Variants in CSMD1 observed in about 807,000 individuals in gnomAD.
CSMD1 encodes CUB and sushi domain-containing protein 1.
Under a neutral mutation model 417.5 loss-of-function variants are expected in CSMD1, and 213 were observed. The ratio of observed to expected loss-of-function variants is 0.51; its 90% CI spans 0.46 to 0.57. The LOEUF (loss-of-function observed/expected upper bound fraction) is 0.57. CSMD1 is among the 20% of genes least tolerant of loss of function. The pLI is 0.00. For synonymous variants in CSMD1, 2,862 were observed against 1,736.8 expected (o/e 1.65, Z -16.11); for missense variants, 6,923 against 4,529.7 (o/e 1.53, Z -15.17).
At chr8:3,230,871 C>G (rs1186385466) in intron 26 of CSMD1, among the ~76,000 whole-genome samples, 4 of 152,150 alleles carry the variant, frequency 2.6e-5, no homozygotes, top group African/African-American at 7.2e-5. Flanking sequence ...TCCTGCCTTT[C>G]TGCATATATA....
chr8:4,029,546 A>G (rs572272012), intron 4 of CSMD1, among the ~76,000 whole-genome samples: 6 of 152,254 alleles, frequency 3.9e-5, no homozygotes, highest in East Asian at 1.9e-4. Context: ...AACTGCCTCC[A>G]TGGTTCAATT....
At chr8:4,223,700 A>G (rs1240578367) in intron 3 of CSMD1, among the ~76,000 whole-genome samples, 4 of 152,230 alleles carry the variant, frequency 2.6e-5, no homozygotes, top group African/African-American at 7.2e-5. Context: ...CAGAGCCTGA[A>G]TATTTTTTTG....
At chr8:4,031,284 G>A (rs932535108) in intron 4 of CSMD1, among the ~76,000 whole-genome samples, 2 of 152,172 alleles carry the variant, frequency 1.3e-5, no homozygotes, top group Non-Finnish European at 2.9e-5. Context: ...ACAAAAGAAA[G>A]AAGTTTAATA....
At chr8:4,694,632 G>C (rs1333379468) in intron 1 of CSMD1, among the ~76,000 whole-genome samples, 1 of 151,912 alleles carries the variant, frequency 6.6e-6, no homozygotes, top group African/African-American at 2.4e-5. Flanking sequence ...CAAAGTACTA[G>C]GATTACAGCC....
At chr8:3,512,600 CTTTTTT>C (rs760320227) in intron 10 of CSMD1, among the ~76,000 whole-genome samples, 5 of 127,692 alleles carry the variant, frequency 3.9e-5, no homozygotes, top group African/African-American at 1.5e-4. Flanking sequence ...TAATTTTTTT[CTTTTTT>C]TTTTTTTTTT....
intron 3 of CSMD1, among the ~76,000 whole-genome samples, chr8:4,220,897 G>A (rs1055245010): frequency 4.6e-5 from 7 of 152,174 alleles, no homozygotes; most frequent in Admixed American, 6.5e-5. Context: ...GGATGTGGGA[G>A]GAATAAGTAG....
At chr8:4,075,160 T>G (rs918028779) in intron 3 of CSMD1, among the ~76,000 whole-genome samples, 1 of 152,222 alleles carries the variant, frequency 6.6e-6, no homozygotes, top group African/African-American at 2.4e-5. Flanking sequence ...GATTAAATTT[T>G]GCTAAGCTGA....
intron 3 of CSMD1, among the ~76,000 whole-genome samples, chr8:4,128,179 C>A (rs761556213): frequency 2.0e-5 from 3 of 152,128 alleles, no homozygotes; most frequent in Non-Finnish European, 2.9e-5. Flanking sequence ...TCGGGGACCC[C>A]TGCGGAAAAA....
intron 52 of CSMD1, among the ~76,000 whole-genome samples, chr8:3,013,069 C>G (rs146690362): frequency 6.6e-6 from 1 of 152,164 alleles, no homozygotes; most frequent in Non-Finnish European, 1.5e-5. Flanking sequence ...CCAGGTGGAA[C>G]TGTGAGTGCA....
chr8:3,718,889 A>G (rs879596203), intron 6 of CSMD1, among the ~76,000 whole-genome samples: 3 of 152,054 alleles, frequency 2.0e-5, no homozygotes, highest in Non-Finnish European at 4.4e-5. Context: ...TCTTGTAGTG[A>G]TCTATCGGTT....
intron 5 of CSMD1, among the ~76,000 whole-genome samples, chr8:3,869,510 T>C (rs1012866032): frequency 6.6e-6 from 1 of 152,200 alleles, no homozygotes; most frequent in Non-Finnish European, 1.5e-5. Flanking sequence ...ATGCGTTTGA[T>C]ATGCTTAACA....
At chr8:3,408,514 A>G (rs1349294680) in intron 13 of CSMD1, among the ~76,000 whole-genome samples, 2 of 147,428 alleles carry the variant, frequency 1.4e-5, no homozygotes, top group South Asian at 2.1e-4. Context: ...GCCAAATATT[A>G]TAATTTCTAG....
chr8:3,972,656 T>A (rs556377282), intron 5 of CSMD1, among the ~76,000 whole-genome samples: 2 of 152,234 alleles, frequency 1.3e-5, no homozygotes, highest in African/African-American at 4.8e-5. Flanking sequence ...ATAGTAAGAA[T>A]AGTAACAGAT....
intron 2 of CSMD1, among the ~76,000 whole-genome samples, chr8:4,448,072 G>A (rs1172880926): frequency 6.6e-6 from 1 of 152,196 alleles, no homozygotes; most frequent in African/African-American, 2.4e-5. Context: ...AAGCTTAGCT[G>A]TCCAGTGGAA....
intron 6 of CSMD1, among the ~76,000 whole-genome samples, chr8:3,745,200 T>A (rs549399937): frequency 6.6e-6 from 1 of 152,216 alleles, no homozygotes; most frequent in South Asian, 2.1e-4. Context: ...CTCTGTTATA[T>A]TTTTTGGGGT....
chr8:4,350,317 G>A (rs985114938), intron 3 of CSMD1, among the ~76,000 whole-genome samples: 1 of 152,126 alleles, frequency 6.6e-6, no homozygotes, highest in Non-Finnish European at 1.5e-5. Context: ...GGTCTAACAG[G>A]CTGACACACC....
At chr8:4,190,333 A>AGGGGCC (rs1194203067) in intron 3 of CSMD1, among the ~76,000 whole-genome samples, 2 of 151,032 alleles carry the variant, frequency 1.3e-5, no homozygotes, top group African/African-American at 4.9e-5. Flanking sequence ...CACTGAAGTT[A>AGGGGCC]GGGGCCAGTT....
intron 2 of CSMD1, among the ~76,000 whole-genome samples, chr8:4,447,317 G>A (rs551208289): frequency 3.4e-4 from 52 of 152,238 alleles, no homozygotes; most frequent in Non-Finnish European, 6.6e-4. Context: ...TTATTACAAT[G>A]AATTATCAGA....
chr8:4,014,090 A>G (rs191049463), intron 4 of CSMD1, among the ~76,000 whole-genome samples: 116 of 152,340 alleles, frequency 7.6e-4, no homozygotes, highest in African/African-American at 2.7e-3. Flanking sequence ...CATCATTTCA[A>G]TGCCCTCAAA....
Sources: gnomAD v4.1 joint callset for allele counts (sites outside exome capture counted in the v4.1 genomes callset) on GRCh38, gnomAD v4.1.1 for gene constraint, MANE v1.5 for transcripts, NCBI Gene and HGNC (gene_info 2026-07-23, HGNC 2026-07-21) for gene names.